MYO15B: variants seen among roughly 807,000 people sequenced by gnomAD.
MYO15B encodes myosin XVB, also known as myosin XVB pseudogene.
In MYO15B, 207 loss-of-function variants were observed where a neutral mutation model predicts 119.3. The ratio of observed to expected loss-of-function variants is 1.73; its 90% CI spans 1.55 to 1.95. The LOEUF is 1.95. MYO15B is among the 30% of genes most tolerant of loss of function. The probability of loss-of-function intolerance (pLI) is 0.00; values close to 1 mark genes in which losing one functional copy is unlikely to be tolerated. For synonymous variants in MYO15B, 966 were observed against 498.9 expected (o/e 1.94, Z -12.48); for missense variants, 2,264 against 1,203.1 (o/e 1.88, Z -13.04).
intron 60 of MYO15B, 36 bp downstream of exon 60, chr17:75,625,274 C>T (rs1257357185): frequency 1.5e-6 from 1 of 675,614 alleles, no homozygotes; most frequent in Admixed American, 2.1e-5. Flanking sequence ...AAGCCCCTCC[C>T]CTTCTCTAAG....
At chr17:75,590,512 A>G in intron 1 of MYO15B, 114 bp from the exon 2 acceptor site, 1 of 368,820 alleles carries the variant, frequency 2.7e-6, no homozygotes. Flanking sequence ...CATTTTATGG[A>G]TCAGGCTCTG....
At chr17:75,613,499 C>G (rs1406932799) in intron 28 of MYO15B, 28 bp downstream of exon 28, 3 of 666,368 alleles carry the variant, frequency 4.5e-6, no homozygotes, top group Non-Finnish European at 8.0e-6. Context: ...CTGAGGCCTC[C>G]CAGGCCTGAA....
chr17:75,599,537 A>C (rs937876984), intron 14 of MYO15B, among the ~76,000 whole-genome samples: 41 of 150,784 alleles, frequency 2.7e-4, no homozygotes, highest in African/African-American at 9.7e-4. Context: ...CACCCACCTC[A>C]GCCTCCCAAA....
intron 35 of MYO15B, 26 bp downstream of exon 35, chr17:75,615,626 C>A: frequency 1.5e-6 from 1 of 680,440 alleles, no homozygotes; most frequent in African/African-American, 1.8e-5. Context: ...GCCCTGGGGC[C>A]ACCTGGTGGA....
exon 1 of MYO15B, chr17:75,588,657 A>C (rs1424502814): frequency 5.0e-6 from 2 of 400,810 alleles, no homozygotes; most frequent in Non-Finnish European, 8.9e-6. Context: ...GGCCGGAGTC[A>C]GCGCTGGAGC....
exon 1 of MYO15B, chr17:75,590,206 G>A (rs942679689): frequency 5.0e-6 from 2 of 399,052 alleles, no homozygotes; most frequent in Non-Finnish European, 8.8e-6. Context: ...GAGCCTCGGA[G>A]ACGGCCTGGA....
At chr17:75,606,981 A>G in intron 21 of MYO15B, 1 of 398,524 alleles carries the variant, frequency 2.5e-6, no homozygotes, top group Non-Finnish European at 4.4e-6. Flanking sequence ...CGTCTGCCTC[A>G]TCTACCCTTG....
chr17:75,608,510 T>C (rs937440348), intron 21 of MYO15B, among the ~76,000 whole-genome samples: 5 of 151,802 alleles, frequency 3.3e-5, no homozygotes, highest in African/African-American at 1.2e-4. Context: ...TGCAGCTGGG[T>C]CACACCTGTA....
Position 75,624,936 on chromosome 17 carries a change from A to AGCT in MYO15B, c.8688+29_8688+31dup. On this transcript the variant is annotated intron_variant, in intron 59 of 63. Transcript: ENST00000645453. Reference sequence around the variant, plus strand: ...AGCCAGGTCAGCCTGCCTGCCTCCGAGCTGCTGCTGCAGTTTGAGGGCGCG... The same window carrying AGCT: ...AGCCAGGTCAGCCTGCCTGCCTCCGAGCTGCTGCTGCTGCAGTTTGAGGGCGCG... 1 of 700,796 alleles carries AGCT rather than the reference A, an allele frequency of 1.4e-6. No homozygotes were observed. The highest frequency in any genetic ancestry group is 1.5e-5 in the South Asian group (1 of 67,550). 43.4% of individuals were successfully genotyped at this position (700,796 alleles called of 1,614,324 possible).
exon 10 of MYO15B, chr17:75,594,499 G>A (rs2056718135): frequency 1.6e-6 from 1 of 608,242 alleles, no homozygotes; most frequent in South Asian, 1.9e-5. Flanking sequence ...GGTGGCTGCT[G>A]TGTCTAGCTG....
chr17:75,624,476 G>T lies in MYO15B; in HGVS notation c.8445+29G>T, dbSNP rs974401642. 4 of 702,894 alleles carry T rather than the reference G, an allele frequency of 5.7e-6. No homozygotes were observed. In the East Asian group the frequency reaches 8.0e-5, roughly 14 times the overall value. 43.5% of individuals were successfully genotyped at this position (702,894 alleles called of 1,614,324 possible). A position where few individuals can be genotyped will look rare whatever the true frequency, so the allele number is the denominator to read the frequency against. On this transcript the variant is annotated intron_variant, in intron 57 of 63. Coordinates refer to ENST00000645453, the Ensembl canonical transcript of MYO15B. ...AGCTTGGGGGCCACCAAGGGAGGAGGCCTTGGGCATCAGTTCTGGGTCCCC... is the reference window on the plus strand; with the variant it reads ...AGCTTGGGGGCCACCAAGGGAGGAGTCCTTGGGCATCAGTTCTGGGTCCCC...
chr17:75,607,219 A>G, intron 21 of MYO15B: 1 of 364,374 alleles, frequency 2.7e-6, no homozygotes. Context: ...ATTAAGCAGT[A>G]ACTATTGCCC....
At chr17:75,621,270 C>T in intron 50 of MYO15B, 75 bp from the exon 51 acceptor site, 1 of 662,158 alleles carries the variant, frequency 1.5e-6, no homozygotes, top group South Asian at 1.6e-5. Flanking sequence ...GCTCTTAGCA[C>T]TCTCCCTGCC....
In MYO15B at chr17:75,596,765, C is replaced by A; in HGVS notation, c.3394-3C>A. On this transcript the variant is annotated splice_region_variant and splice_polypyrimidine_tract_variant and intron_variant, in intron 13 of 63. Coordinates refer to ENST00000645453, the Ensembl canonical transcript of MYO15B. ...AAAATGGCCAAATGCCGGCTGTTCC[C>A]AGGAGGAGTGTCGGCGGGAGTTGCT... is the stretch of plus-strand genomic sequence containing the variant. The A allele has an allele frequency of 1.4e-6, 1 of 698,316 alleles. No individual in the cohort carries two copies. The highest frequency in any genetic ancestry group is 2.0e-5 in the Admixed American group (1 of 49,376). 43.3% of individuals were successfully genotyped at this position (698,316 alleles called of 1,614,324 possible).
At chr17:75,601,182 C>T (rs895290662) in intron 14 of MYO15B, among the ~76,000 whole-genome samples, 11 of 152,058 alleles carry the variant, frequency 7.2e-5, no homozygotes, top group Admixed American at 5.9e-4. Flanking sequence ...AGATTACATG[C>T]GTGAGCCACC....
At chr17:75,592,255 C>T (rs1428433040) in exon 7 of MYO15B, 2 of 702,710 alleles carry the variant, frequency 2.8e-6, no homozygotes, top group Non-Finnish European at 5.2e-6. Flanking sequence ...ATCGTGGGAG[C>T]CTCTGTGTCT....
chr17:75,624,802 A>G (rs1187538072), exon 59 of MYO15B: 1 of 702,926 alleles, frequency 1.4e-6, no homozygotes, highest in South Asian at 1.5e-5. Flanking sequence ...AGCCCGCCGA[A>G]TACCTCAACA....
At chr17:75,625,393 A>G (rs2058980946) in intron 60 of MYO15B, 134 bp from the exon 61 acceptor site, 1 of 650,236 alleles carries the variant, frequency 1.5e-6, no homozygotes, top group East Asian at 2.7e-5. Context: ...CCTCTGGTGC[A>G]GGACCCTCAC....
chr17:75,588,530 C>T (rs1437993845), exon 1 of MYO15B: 2 of 398,642 alleles, frequency 5.0e-6, no homozygotes, highest in Non-Finnish European at 8.9e-6. Context: ...GGAGGCAGCT[C>T]CTGTCCGGAC....
Sources: gnomAD v4.1 joint callset for allele counts (sites outside exome capture counted in the v4.1 genomes callset) on GRCh38, gnomAD v4.1.1 for gene constraint, MANE v1.5 for transcripts, NCBI Gene and HGNC (gene_info 2026-07-23, HGNC 2026-07-21) for gene names.